The following DGKD variants were observed in gnomAD, a reference collection of about 807,000 sequenced individuals.
The protein encoded by DGKD is DAG kinase delta.
In DGKD, 68 loss-of-function variants were observed where a neutral mutation model predicts 154.4. The ratio of observed to expected loss-of-function variants is 0.44; its 90% CI spans 0.36 to 0.54. The LOEUF is 0.54. Ranked by LOEUF, DGKD falls within the 20% of genes least tolerant of loss-of-function variation. The pLI, the probability that DGKD is intolerant of heterozygous loss-of-function variation, is 0.00. For synonymous variants in DGKD, 693 were observed against 638.0 expected (o/e 1.09, Z -1.30); for missense variants, 1,343 against 1,593.6 (o/e 0.84, Z 2.68).
intron 10 of DGKD, among the ~76,000 whole-genome samples, chr2:233,444,262 C>T (rs923131581): frequency 1.3e-5 from 2 of 152,154 alleles, no homozygotes; most frequent in African/African-American, 4.8e-5. Context: ...GTTCGTCCGT[C>T]TCTTCCTCCT....
At chr2:233,384,210 C>A (rs1368488139) in intron 1 of DGKD, among the ~76,000 whole-genome samples, 1 of 152,166 alleles carries the variant, frequency 6.6e-6, no homozygotes, top group East Asian at 1.9e-4. Context: ...TCCTCGGTGA[C>A]CCCCTGGTGG....
chr2:233,461,129 A>G (rs1187903289), intron 24 of DGKD, among the ~76,000 whole-genome samples: 2 of 151,802 alleles, frequency 1.3e-5, no homozygotes, highest in African/African-American at 2.4e-5. Flanking sequence ...ATTGTCTGCC[A>G]TTCCTGCTCC....
At chr2:233,376,427 A>G (rs1461611556) in intron 1 of DGKD, among the ~76,000 whole-genome samples, 1 of 152,174 alleles carries the variant, frequency 6.6e-6, no homozygotes, top group Non-Finnish European at 1.5e-5. Flanking sequence ...AAATGGGGCT[A>G]TAACTATTGT....
At chr2:233,355,993 G>A (rs1179325912) in intron 1 of DGKD, among the ~76,000 whole-genome samples, 1 of 152,210 alleles carries the variant, frequency 6.6e-6, no homozygotes, top group Non-Finnish European at 1.5e-5. Context: ...ACCGTAAGAT[G>A]GAAGGCAGTT....
At chr2:233,454,142 A>T (rs1013549766) in intron 18 of DGKD, among the ~76,000 whole-genome samples, 2 of 152,248 alleles carry the variant, frequency 1.3e-5, no homozygotes, top group African/African-American at 4.8e-5. Flanking sequence ...CTGCCGGGCC[A>T]TGTGGGATTG....
chr2:233,438,340 C>T lies in DGKD; in HGVS notation c.1046C>T (p.Ala349Val). ...AGATTCAAACAGCTACTAAACCCCG[C>T]CCAGGTCTTCGACCTCATGAACGGA... ...LRRFKQLLNP[A>V]QVFDLMNGGP... is the part of the protein sequence containing the mutation. The change falls in exon 9 of 30, where the codon GCC becomes GTC. Residue 349 changes from alanine to valine, a missense_variant. Ala to Val is a moderately conservative substitution (Grantham distance 64, BLOSUM62 0). Around this residue, in one of 6 missense-constraint regions of DGKD, gnomAD observed 56 missense variants for 111.1 expected, o/e 0.50. Coordinates refer to ENST00000264057, the MANE Select transcript of DGKD (RefSeq NM_152879.3). The surrounding 1 kb of genome is among the most constrained non-coding windows in gnomAD (Gnocchi z 4.1). 1 of 1,614,172 alleles carries T rather than the reference C, an allele frequency of 6.2e-7. No homozygotes were observed. Among genetic ancestry groups the T allele is most frequent in the Non-Finnish European group, 8.5e-7 (1 of 1,180,016 alleles).
chr2:233,419,869 G>T (rs371883078), intron 3 of DGKD, among the ~76,000 whole-genome samples: 3 of 152,168 alleles, frequency 2.0e-5, no homozygotes, highest in African/African-American at 7.2e-5. Context: ...TTGGTTTGTG[G>T]TTTGTGGAGG....
chr2:233,467,933 C>T (rs745372166), intron 28 of DGKD, among the ~76,000 whole-genome samples: 4 of 152,176 alleles, frequency 2.6e-5, no homozygotes, highest in Admixed American at 6.5e-5. Flanking sequence ...TGCTATGGTC[C>T]AGAAGTGAAA....
At chr2:233,426,002 C>G (rs2062284785) in intron 3 of DGKD, among the ~76,000 whole-genome samples, 1 of 152,056 alleles carries the variant, frequency 6.6e-6, no homozygotes, top group South Asian at 2.1e-4. Flanking sequence ...TAATTTTTGC[C>G]CCAGTGTATG....
rs73995952 is a variant in DGKD at position 233,445,601 on chromosome 2, A to G, written c.1195-22A>G. The G allele has an allele frequency of 2.3e-3, 3,626 of 1,585,352 alleles. 76 individuals are homozygous for G. In the African/African-American group the frequency reaches 0.043, roughly 19 times the overall value. On this transcript the variant is annotated intron_variant, in intron 10 of 29. Transcript: ENST00000264057. The surrounding 1 kb of genome is among the most constrained non-coding windows in gnomAD (Gnocchi z 5.5). ...CCTGCCCCCAGGTGTTTGCCTGCGC[A>G]TCGTCCCCCATGTTTCCTTAGTGTC...
chr2:233,408,807 A>T (rs1406096766), intron 3 of DGKD: 1 of 152,274 alleles, frequency 6.6e-6, no homozygotes, highest in Non-Finnish European at 1.5e-5. Context: ...AAGTTAACCC[A>T]GTGAATTCCA....
intron 3 of DGKD, among the ~76,000 whole-genome samples, chr2:233,407,956 G>A (rs547648359): frequency 6.6e-6 from 1 of 151,560 alleles, no homozygotes; most frequent in East Asian, 1.9e-4. Flanking sequence ...TTCATCATCA[G>A]TTTTCCTTTT....
intron 17 of DGKD, among the ~76,000 whole-genome samples, chr2:233,451,585 T>TA (rs2063296077): frequency 2.0e-5 from 3 of 150,670 alleles, no homozygotes; most frequent in South Asian, 4.2e-4. Context: ...TTTTTTTTTT[T>TA]AAAAGAGGGT....
At chr2:233,446,943 C>G (rs963409288) in intron 12 of DGKD, 147 bp downstream of exon 12, 18 of 918,352 alleles carry the variant, frequency 2.0e-5, no homozygotes, top group Middle Eastern at 2.2e-4. Context: ...GCAGGGTGAA[C>G]CCATGGCTGA....
intron 3 of DGKD, chr2:233,429,179 C>T: frequency 1.0e-6 from 1 of 985,384 alleles, no homozygotes. Flanking sequence ...GCAAAGTTGG[C>T]ACTTCAGCTC....
chr2:233,396,942 C>T lies in DGKD; in HGVS notation c.348+6459C>T, dbSNP rs1430613233. 5.5e-3 allele frequency among the ~76,000 whole-genome samples: 433 copies of T among 78,798 alleles called. 2 individuals carry two copies. Among genetic ancestry groups the T allele is most frequent in the Middle Eastern group, 0.021 (2 of 96 alleles). The allele number at this position is 78,798 out of a possible 152,430, so 51.7% of individuals were successfully genotyped here. A position where few individuals can be genotyped will look rare whatever the true frequency, so the allele number is the denominator to read the frequency against. Reference sequence around the variant, plus strand: ...CCAGCGTGGCTGGGGGGGGCCAGAGCGAGAGGACACCAGAGGGGACCAGGG... The same window carrying T: ...CCAGCGTGGCTGGGGGGGGCCAGAGTGAGAGGACACCAGAGGGGACCAGGG... On this transcript the variant is annotated intron_variant, in intron 3 of 29. Transcript: ENST00000264057.
At chr2:233,464,947 G>T (rs757876133) in intron 27 of DGKD, among the ~76,000 whole-genome samples, 1 of 152,264 alleles carries the variant, frequency 6.6e-6, no homozygotes, top group Non-Finnish European at 1.5e-5. Flanking sequence ...GCAAATAACT[G>T]CAAGACGCCA....
At chr2:233,406,382 T>A (rs1472852017) in intron 3 of DGKD, among the ~76,000 whole-genome samples, 2 of 152,232 alleles carry the variant, frequency 1.3e-5, no homozygotes, top group East Asian at 3.8e-4. Flanking sequence ...ATAAGAATGG[T>A]GTGAACAGGC....
chr2:233,365,254 G>A (rs1400086064), intron 1 of DGKD, among the ~76,000 whole-genome samples: 3 of 150,672 alleles, frequency 2.0e-5, no homozygotes, highest in South Asian at 2.1e-4. Context: ...TTTGGGAGAC[G>A]GAGTTTCGCT....
Sources: allele counts gnomAD v4.1 joint callset (sites outside exome capture counted in the v4.1 genomes callset), GRCh38; gene constraint gnomAD v4.1.1; regional missense constraint gnomAD v4.1.1; non-coding constraint Gnocchi (gnomAD v3.1); transcripts MANE v1.5; gene names NCBI Gene and HGNC (gene_info 2026-07-23, HGNC 2026-07-21).